The following TAFA2 variants were observed in gnomAD, a reference collection of about 807,000 sequenced individuals.
The protein encoded by TAFA2 is TAFA chemokine like family member 2, also known as chemokine-like protein TAFA-2.
TAFA2 carries 7 observed loss-of-function variants against 18.8 expected under a neutral mutation model. The observed-to-expected ratio is 0.37, with a 90% CI of 0.21 to 0.70. The LOEUF is 0.70. TAFA2 is among the 30% of genes least tolerant of loss of function. TAFA2 has a pLI of 0.53. For missense variants in TAFA2, 122 were observed against 158.1 expected (o/e 0.77, Z 1.23); for synonymous variants, 60 against 54.2 (o/e 1.11, Z -0.47).
At chr12:61,748,764 T>C (rs867774623) in intron 4 of TAFA2, among the ~76,000 whole-genome samples, 2 of 152,126 alleles carry the variant, frequency 1.3e-5, no homozygotes, top group Non-Finnish European at 1.5e-5. Flanking sequence ...TTTTCAGTTA[T>C]TACTGTCATT....
At chr12:62,143,590 G>A (rs575432024) in intron 1 of TAFA2, among the ~76,000 whole-genome samples, 29 of 152,238 alleles carry the variant, frequency 1.9e-4, no homozygotes, top group Admixed American at 9.8e-4. Flanking sequence ...CTATGTGAAG[G>A]TAGCTGGCTA....
chr12:62,151,894 AC>A (rs1358661188), intron 1 of TAFA2, among the ~76,000 whole-genome samples: 3 of 152,244 alleles, frequency 2.0e-5, no homozygotes, highest in Admixed American at 6.5e-5. Context: ...GCTATCAGAT[AC>A]AGTTACCTAG....
In TAFA2 at chr12:61,999,821, G is replaced by A. The variant is rs564452886; in HGVS notation, c.-1-132395C>T. On this transcript the variant is annotated intron_variant, in intron 1 of 4. Coordinates refer to ENST00000416284, the MANE Select transcript of TAFA2 (RefSeq NM_178539.5). ...TGATTGAACTCCTCTTACCAGAAAA[G>A]TAGAGAGATAGGCTGAATAACATTT... 2.0e-5 allele frequency among the ~76,000 whole-genome samples: 3 copies of A among 152,266 alleles called. 1 individual carries two copies. The South Asian group carries it at 6.2e-4, about 32-fold the overall frequency.
At chr12:61,751,851 C>G (rs1214943095) in intron 4 of TAFA2, among the ~76,000 whole-genome samples, 1 of 151,810 alleles carries the variant, frequency 6.6e-6, no homozygotes, top group African/African-American at 2.4e-5. Flanking sequence ...GGGAGTAAAA[C>G]AGCACTTCCA....
At chr12:62,017,977 T>C (rs73122005) in intron 1 of TAFA2, among the ~76,000 whole-genome samples, 2,162 of 152,270 alleles carry the variant, frequency 0.014, 31 homozygotes, top group Non-Finnish European at 0.018. Flanking sequence ...TTTCAATTCC[T>C]AGTGAGATTT....
intron 1 of TAFA2, among the ~76,000 whole-genome samples, chr12:61,896,507 C>T (rs1401182432): frequency 1.3e-5 from 2 of 152,166 alleles, no homozygotes; most frequent in Non-Finnish European, 2.9e-5. Context: ...ATCATTGTTC[C>T]TGATATTACT....
At chr12:61,879,458 A>T in intron 1 of TAFA2, 1 of 692,288 alleles carries the variant, frequency 1.4e-6, no homozygotes, top group Non-Finnish European at 2.6e-6. Context: ...AGCAGCTTCC[A>T]GGGTGGCCTG....
chr12:62,018,500 ATATCTACAACTATCTGCCACG>A (rs1218514166), intron 1 of TAFA2, among the ~76,000 whole-genome samples: 1 of 152,206 alleles, frequency 6.6e-6, no homozygotes, highest in Non-Finnish European at 1.5e-5. Flanking sequence ...GGCCTCAGAA[ATATCTACAACTATCTGCCACG>A]TATCTACAAC....
chr12:61,927,936 G>T (rs562568085), intron 1 of TAFA2, among the ~76,000 whole-genome samples: 1 of 152,256 alleles, frequency 6.6e-6, no homozygotes, highest in East Asian at 1.9e-4. Context: ...AATAAATGGC[G>T]TTGGGAAAAC....
At chr12:62,102,458 C>A (rs11174318) in intron 1 of TAFA2, among the ~76,000 whole-genome samples, 7,633 of 152,218 alleles carry the variant, frequency 0.05, 222 homozygotes, top group Middle Eastern at 0.12. Context: ...ATTACTCCCC[C>A]CAGTGTGTAT....
At chr12:62,208,478 TA>T (rs10612004) in intron 1 of TAFA2, among the ~76,000 whole-genome samples, 7,795 of 151,008 alleles carry the variant, frequency 0.052, 281 homozygotes, top group African/African-American at 0.095. Context: ...CACTTCTAGT[TA>T]AAAAAAAAAG....
intron 1 of TAFA2, among the ~76,000 whole-genome samples, chr12:62,106,097 C>T (rs959969711): frequency 2.0e-5 from 3 of 152,028 alleles, no homozygotes; most frequent in African/African-American, 7.3e-5. Flanking sequence ...CTTAGGGAGG[C>T]CAAGGTGGGC....
intron 1 of TAFA2, among the ~76,000 whole-genome samples, chr12:61,913,883 A>C (rs1283918826): frequency 6.6e-6 from 1 of 152,204 alleles, no homozygotes; most frequent in African/African-American, 2.4e-5. Context: ...AGATCACAAC[A>C]CTTGAGTTTC....
At chr12:62,234,253 CA>C in intron 1 of TAFA2, 1 of 356,192 alleles carries the variant, frequency 2.8e-6, no homozygotes, top group South Asian at 2.4e-5. Flanking sequence ...CATGGGTCCC[CA>C]CAGCCTTGGT....
intron 1 of TAFA2, among the ~76,000 whole-genome samples, chr12:62,031,087 G>A (rs1462124048): frequency 1.3e-5 from 2 of 152,112 alleles, no homozygotes; most frequent in South Asian, 2.1e-4. Flanking sequence ...TAAAGGAGTC[G>A]TGGACTGTGT....
At chr12:62,258,852 G>A, upstream of TAFA2, 1 of 231,298 alleles carries the variant, frequency 4.3e-6, no homozygotes, top group South Asian at 3.4e-5. Flanking sequence ...ACTGGAAAAA[G>A]GGGGAAAATG....
At chr12:61,922,044 G>C (rs1449963987) in intron 1 of TAFA2, among the ~76,000 whole-genome samples, 1 of 152,210 alleles carries the variant, frequency 6.6e-6, no homozygotes, top group African/African-American at 2.4e-5. Context: ...AGAAGTTTCA[G>C]TCGTCTTGAC....
At chr12:62,143,517 G>T (rs1439855801) in intron 1 of TAFA2, among the ~76,000 whole-genome samples, 1 of 152,076 alleles carries the variant, frequency 6.6e-6, no homozygotes, top group East Asian at 1.9e-4. Context: ...TATAAAACCT[G>T]TCCAGGGTAA....
In TAFA2 at chr12:61,960,357, T is replaced by C. The variant is rs147352925; in HGVS notation, c.-1-92931A>G. On this transcript the variant is annotated intron_variant, in intron 1 of 4. Coordinates refer to ENST00000416284, the MANE Select transcript of TAFA2 (RefSeq NM_178539.5). ...TATCACAATAACCCATTACATTGTA[T>C]GTTATTTAAAAACACAAACTGTGTC... 5.2e-4 allele frequency among the ~76,000 whole-genome samples: 79 copies of C among 152,174 alleles called. 1 individual carries two copies. The highest frequency in any genetic ancestry group is 7.4e-4 in the Non-Finnish European group (50 of 67,984).
Sources: allele counts gnomAD v4.1 joint callset (sites outside exome capture counted in the v4.1 genomes callset), GRCh38; gene constraint gnomAD v4.1.1; transcripts MANE v1.5; gene names NCBI Gene and HGNC (gene_info 2026-07-23, HGNC 2026-07-21).